Variants in SPON1 observed in about 807,000 individuals in gnomAD.
SPON1 encodes the protein spondin-1.
Under a neutral mutation model 111.7 loss-of-function variants are expected in SPON1, and 52 were observed. That is an observed-to-expected ratio of 0.47 (90% CI 0.37 to 0.59). The LOEUF (loss-of-function observed/expected upper bound fraction) is 0.59. Ranked by LOEUF, SPON1 falls within the 20% of genes least tolerant of loss-of-function variation. SPON1 has a pLI of 0.00. For missense variants in SPON1, 957 were observed against 1,068.5 expected, an observed-to-expected ratio of 0.90 and a Z score of 1.46; for synonymous variants, 410 against 395.8, an observed-to-expected ratio of 1.04 and a Z score of -0.43.
At chr11:14,023,401 C>G (rs1412060881) in intron 2 of SPON1, among the ~76,000 whole-genome samples, 2 of 152,020 alleles carry the variant, frequency 1.3e-5, no homozygotes, top group Middle Eastern at 6.4e-3. Flanking sequence ...AACTGACAGG[C>G]AGTCAAAGGT....
chr11:14,031,257 C>T (rs1848556797), intron 2 of SPON1, among the ~76,000 whole-genome samples: 1 of 152,188 alleles, frequency 6.6e-6, no homozygotes, highest in South Asian at 2.1e-4. Flanking sequence ...GTACTGTGCT[C>T]ACTACCTGGG....
intron 3 of SPON1, among the ~76,000 whole-genome samples, chr11:14,062,219 C>T (rs782159899): frequency 6.6e-6 from 1 of 152,100 alleles, no homozygotes; most frequent in Non-Finnish European, 1.5e-5. Flanking sequence ...TATTCAGAAC[C>T]CTTGCTGGGC....
At chr11:14,012,289 C>T (rs116142889) in intron 2 of SPON1, among the ~76,000 whole-genome samples, 2,243 of 152,212 alleles carry the variant, frequency 0.015, 65 homozygotes, top group African/African-American at 0.05. Context: ...AGACACCTCC[C>T]ATCCTAACAC....
chr11:13,973,754 A>T (rs1848080969), intron 1 of SPON1, among the ~76,000 whole-genome samples: 1 of 152,216 alleles, frequency 6.6e-6, no homozygotes, highest in South Asian at 2.1e-4. Flanking sequence ...AATACTATTA[A>T]ATATTACTGC....
intron 6 of SPON1, among the ~76,000 whole-genome samples, chr11:14,201,901 G>A (rs35076165): frequency 0.02 from 3,002 of 152,212 alleles, 48 homozygotes; most frequent in Non-Finnish European, 0.032. Context: ...TAGATAAGGA[G>A]AAGATGGAGA....
chr11:14,075,540 C>T lies in SPON1; in HGVS notation c.553+122C>T, dbSNP rs1036814555. ...TCGTGAGTTCCTCTGGGTTCTGCTT[C>T]CTCACGTAGCTCCGATTTTTAATCT... On this transcript the variant is annotated intron_variant, in intron 4 of 15. Coordinates refer to ENST00000576479, the MANE Select transcript of SPON1 (RefSeq NM_006108.4). The T allele has an allele frequency of 2.1e-5, 14 of 679,400 alleles. No individual in the cohort carries two copies. In the East Asian group the frequency reaches 3.6e-4, roughly 17 times the overall value. The allele number at this position is 679,400 out of a possible 1,614,324, so 42.1% of individuals were successfully genotyped here.
intron 6 of SPON1, among the ~76,000 whole-genome samples, chr11:14,160,969 A>ATT (rs1554931136): frequency 0.011 from 679 of 60,564 alleles, 11 homozygotes; most frequent in South Asian, 0.02. Flanking sequence ...ATATTTATAT[A>ATT]TATTTTTATA....
At chr11:14,072,594 C>T (rs1283367339) in intron 3 of SPON1, among the ~76,000 whole-genome samples, 4 of 152,012 alleles carry the variant, frequency 2.6e-5, no homozygotes, top group East Asian at 1.9e-4. Flanking sequence ...GTCTGCAACC[C>T]GGGAAGCTTG....
chr11:14,008,733 C>A (rs1159024393), intron 2 of SPON1, among the ~76,000 whole-genome samples: 2 of 152,180 alleles, frequency 1.3e-5, no homozygotes, highest in Admixed American at 6.5e-5. Context: ...TCCTCAGGAA[C>A]CTTAAATGGC....
chr11:14,085,472 A>G (rs1230512506), intron 5 of SPON1, among the ~76,000 whole-genome samples: 2 of 151,864 alleles, frequency 1.3e-5, no homozygotes, highest in African/African-American at 4.8e-5. Context: ...GTGTGGTGTT[A>G]TTTCTGAGGC....
At chr11:14,123,276 C>T (rs1847415043) in intron 5 of SPON1, among the ~76,000 whole-genome samples, 3 of 152,106 alleles carry the variant, frequency 2.0e-5, no homozygotes, top group East Asian at 1.9e-4. Flanking sequence ...GTAAATACTA[C>T]ATTGTTGAGT....
intron 4 of SPON1, among the ~76,000 whole-genome samples, chr11:14,077,412 T>C (rs1486236588): frequency 1.3e-5 from 2 of 151,984 alleles, no homozygotes; most frequent in African/African-American, 2.4e-5. Flanking sequence ...AACAAACATA[T>C]GCATACACAT....
At position 14,259,199 on chromosome 11, in the gene SPON1, T is replaced by TGGCGGGAAGTTCCCACC; in HGVS notation, c.1493-79_1493-63dup. Reference sequence around the variant, plus strand: ...CTGCCTGACTCCTCTTGATTCCCGCTGGCGGGAAGTTCCCACCGCGCAGCC... The same window carrying TGGCGGGAAGTTCCCACC: ...CTGCCTGACTCCTCTTGATTCCCGCTGGCGGGAAGTTCCCACCGGCGGGAAGTTCCCACCGCGCAGCC... On this transcript the variant is annotated intron_variant, in intron 11 of 15. Coordinates refer to ENST00000576479, the MANE Select transcript of SPON1 (RefSeq NM_006108.4). The surrounding 1 kb of genome is among the most constrained non-coding windows in gnomAD (Gnocchi z 5.0). 7.0e-7 allele frequency: 1 copy of TGGCGGGAAGTTCCCACC among 1,436,800 alleles called. No individual in the cohort carries two copies. The highest frequency in any genetic ancestry group is 2.5e-5 in the East Asian group (1 of 40,188). 89.0% of individuals were successfully genotyped at this position (1,436,800 alleles called of 1,614,324 possible).
chr11:14,230,092 C>T (rs1418203066), intron 6 of SPON1, among the ~76,000 whole-genome samples: 1 of 151,966 alleles, frequency 6.6e-6, no homozygotes, highest in Non-Finnish European at 1.5e-5. Context: ...GTGGGGTACT[C>T]GAGAATGAAA....
intron 5 of SPON1, among the ~76,000 whole-genome samples, chr11:14,103,297 A>T (rs1554924576): frequency 6.6e-6 from 1 of 152,184 alleles, no homozygotes; most frequent in Admixed American, 6.5e-5. Context: ...AACAGAAGGG[A>T]TGAAGAAGTG....
chr11:13,999,672 G>T (rs782516852), intron 2 of SPON1, among the ~76,000 whole-genome samples: 4 of 152,178 alleles, frequency 2.6e-5, no homozygotes, highest in Admixed American at 1.3e-4. Flanking sequence ...CTCCCAAAGT[G>T]CTGGGATTAC....
intron 6 of SPON1, among the ~76,000 whole-genome samples, chr11:14,163,673 G>C (rs1847993471): frequency 6.6e-6 from 1 of 152,154 alleles, no homozygotes; most frequent in Admixed American, 6.5e-5. Flanking sequence ...CATGGGGTGA[G>C]AGAAATACAC....
At chr11:14,232,164 C>T (rs1361291358) in intron 6 of SPON1, among the ~76,000 whole-genome samples, 1 of 152,022 alleles carries the variant, frequency 6.6e-6, no homozygotes, top group Non-Finnish European at 1.5e-5. Context: ...CTTCCTCCAC[C>T]ACTCTAAAAT....
At chr11:14,161,221 A>ATATATATCTATATATTTATATATATC (rs1554931249) in intron 6 of SPON1, among the ~76,000 whole-genome samples, 17,651 of 75,506 alleles carry the variant, frequency 0.23, 4,720 homozygotes, top group East Asian at 0.39. Context: ...ATATATATCT[A>ATATATATCTATATATTTATATATATC]TATATATTTA....
Sources: gnomAD v4.1 joint callset for allele counts (sites outside exome capture counted in the v4.1 genomes callset) on GRCh38, gnomAD v4.1.1 for gene constraint, Gnocchi (gnomAD v3.1) non-coding constraint, MANE v1.5 for transcripts, NCBI Gene and HGNC (gene_info 2026-07-23, HGNC 2026-07-21) for gene names.